Variants in PATJ observed in about 807,000 individuals in gnomAD.
The protein encoded by PATJ is PATJ crumbs cell polarity complex component.
PATJ carries 190 observed loss-of-function variants against 224.9 expected under a neutral mutation model. The observed-to-expected ratio is 0.84, with a 90% CI of 0.75 to 0.95. The LOEUF is 0.95. Among genes scored for constraint, PATJ ranks in the 40% least tolerant of loss-of-function variants. The pLI is 0.00. For missense variants in PATJ, 2,121 were observed against 2,270.3 expected (o/e 0.93, Z 1.34); for synonymous variants, 769 against 820.3 (o/e 0.94, Z 1.07).
At chr1:62,054,391 G>A in intron 31 of PATJ, 1 of 430,092 alleles carries the variant, frequency 2.3e-6, no homozygotes, top group South Asian at 1.7e-5. Context: ...TTTCAGAGCT[G>A]AGGCTAAGCC....
chr1:61,797,272 C>T lies in PATJ; in HGVS notation c.1261-15C>T. On this transcript the variant is annotated splice_polypyrimidine_tract_variant and intron_variant, in intron 10 of 43. Coordinates refer to ENST00000642238, the MANE Select transcript of PATJ (RefSeq NM_001350145.3). Reference sequence around the variant, plus strand: ...AATTTAAAACCTCTGCTTAATGTTTCTCTTGATGTTTTAGGTCGATGGCGT... The same window carrying T: ...AATTTAAAACCTCTGCTTAATGTTTTTCTTGATGTTTTAGGTCGATGGCGT... The T allele has an allele frequency of 6.2e-7, 1 of 1,604,950 alleles. No individual in the cohort carries two copies. The highest frequency in any genetic ancestry group is 8.5e-7 in the Non-Finnish European group (1 of 1,172,678).
At chr1:62,141,894 C>A (rs190355340) in intron 41 of PATJ, among the ~76,000 whole-genome samples, 8 of 150,666 alleles carry the variant, frequency 5.3e-5, no homozygotes, top group Non-Finnish European at 8.9e-5. Flanking sequence ...TGCTTGACCA[C>A]GGGAGGCAGA....
intron 20 of PATJ, among the ~76,000 whole-genome samples, chr1:61,869,097 A>ATTTTTT (rs113334846): frequency 2.4e-5 from 3 of 125,512 alleles, no homozygotes; most frequent in Non-Finnish European, 3.3e-5. Context: ...TGGAAATAAC[A>ATTTTTT]TTTTTTTTTT....
chr1:61,841,724 A>G (rs944652232), intron 17 of PATJ, among the ~76,000 whole-genome samples: 1 of 151,832 alleles, frequency 6.6e-6, no homozygotes, highest in Non-Finnish European at 1.5e-5. Flanking sequence ...CATATGCCTT[A>G]CTGTTGAACA....
chr1:61,784,627 A>G (rs1433915745), intron 7 of PATJ, among the ~76,000 whole-genome samples: 4 of 152,236 alleles, frequency 2.6e-5, no homozygotes, highest in Non-Finnish European at 5.9e-5. Flanking sequence ...TCTTTGGCCA[A>G]GCCAAGTATG....
chr1:62,129,242 G>C (rs1666035148), intron 41 of PATJ, among the ~76,000 whole-genome samples: 1 of 152,142 alleles, frequency 6.6e-6, no homozygotes, highest in Non-Finnish European at 1.5e-5. Flanking sequence ...GAATTTGTAA[G>C]GAATAAGAAA....
intron 20 of PATJ, among the ~76,000 whole-genome samples, chr1:61,869,145 C>T (rs1294151513): frequency 5.2e-5 from 7 of 134,518 alleles, no homozygotes; most frequent in Non-Finnish European, 9.3e-5. Flanking sequence ...CTCGCTCTGT[C>T]GCCCAGGCTG....
At chr1:62,089,843 A>G (rs1257066556) in intron 33 of PATJ, among the ~76,000 whole-genome samples, 1 of 152,154 alleles carries the variant, frequency 6.6e-6, no homozygotes, top group Non-Finnish European at 1.5e-5. Flanking sequence ...TCACTACAGA[A>G]GAACCTTCGC....
chr1:61,866,593 A>C (rs560340132), intron 20 of PATJ, among the ~76,000 whole-genome samples: 1 of 152,228 alleles, frequency 6.6e-6, no homozygotes, highest in East Asian at 1.9e-4. Flanking sequence ...TCAAAATTTT[A>C]TTCTTATCTC....
intron 34 of PATJ, among the ~76,000 whole-genome samples, chr1:62,112,341 A>G (rs1317671738): frequency 6.6e-6 from 1 of 152,080 alleles, no homozygotes; most frequent in Admixed American, 6.5e-5. Flanking sequence ...CCCCGTCTCT[A>G]CTAAAAATAC....
In PATJ at chr1:62,046,926, C is replaced by T. The variant is rs537022323; in HGVS notation, c.4033-4040C>T. On this transcript the variant is annotated intron_variant, in intron 30 of 43. Transcript: ENST00000642238. ...ACTATTTGGAACCTAGACTGCTTTGCCCATGTTTTCTTAAATTTTACAGGT... is the reference window on the plus strand; with the variant it reads ...ACTATTTGGAACCTAGACTGCTTTGTCCATGTTTTCTTAAATTTTACAGGT... Among the ~76,000 whole-genome samples the T allele has an allele frequency of 2.5e-3, 385 of 152,300 alleles. 3 individuals are homozygous for T. Among genetic ancestry groups the T allele is most frequent in the African/African-American group, 8.9e-3 (371 of 41,570 alleles).
intron 14 of PATJ, among the ~76,000 whole-genome samples, chr1:61,814,154 G>C (rs1384777121): frequency 8.0e-5 from 1 of 12,480 alleles, no homozygotes; most frequent in Non-Finnish European, 1.6e-4. Flanking sequence ...TTTTTTTTTT[G>C]AGATTCAGTG....
intron 13 of PATJ, among the ~76,000 whole-genome samples, chr1:61,806,369 C>A (rs1367447693): frequency 6.6e-6 from 1 of 152,088 alleles, no homozygotes; most frequent in Non-Finnish European, 1.5e-5. Flanking sequence ...CCTGTAATTC[C>A]AGCACTTTGG....
chr1:61,891,611 T>C (rs1369098678), intron 22 of PATJ, among the ~76,000 whole-genome samples: 1 of 152,194 alleles, frequency 6.6e-6, no homozygotes. Flanking sequence ...AAGAGGTACA[T>C]AGAAATACTA....
At chr1:61,977,113 G>A (rs1311102312) in intron 27 of PATJ, among the ~76,000 whole-genome samples, 1 of 151,852 alleles carries the variant, frequency 6.6e-6, no homozygotes, top group Non-Finnish European at 1.5e-5. Context: ...TTAGAGATGG[G>A]GTCTCACTCT....
At chr1:62,085,016 C>A (rs536531352) in intron 33 of PATJ, among the ~76,000 whole-genome samples, 2 of 152,302 alleles carry the variant, frequency 1.3e-5, no homozygotes, top group South Asian at 4.1e-4. Context: ...AATCCCAGCA[C>A]TTTGGGAGGC....
In PATJ at chr1:61,909,373, A is replaced by G. The variant is rs917191140; in HGVS notation, c.3492+891A>G. ...GGCAGGATGTGGATTTTATACTACA[A>G]TGTGCAACAGAAACATCACCCTTAA... On this transcript the variant is annotated intron_variant, in intron 25 of 43. Coordinates refer to ENST00000642238, the MANE Select transcript of PATJ (RefSeq NM_001350145.3). Among the ~76,000 whole-genome samples the G allele has an allele frequency of 1.1e-4, 16 of 152,356 alleles. No homozygotes were observed. The East Asian group carries it at 2.9e-3, about 28-fold the overall frequency.
At chr1:61,777,703 CTT>C (rs66470863) in intron 7 of PATJ, among the ~76,000 whole-genome samples, 43 of 48,744 alleles carry the variant, frequency 8.8e-4, no homozygotes, top group Admixed American at 4.3e-3. Flanking sequence ...TTCTTTCTTT[CTT>C]TTTTTTTTTT....
chr1:62,023,092 C>T (rs1647180010), intron 29 of PATJ, among the ~76,000 whole-genome samples: 1 of 152,076 alleles, frequency 6.6e-6, no homozygotes, highest in African/African-American at 2.4e-5. Flanking sequence ...GAGTTCCAGA[C>T]CAGCCTAACC....
Sources: allele counts gnomAD v4.1 joint callset (sites outside exome capture counted in the v4.1 genomes callset), GRCh38; gene constraint gnomAD v4.1.1; transcripts MANE v1.5; gene names NCBI Gene and HGNC (gene_info 2026-07-23, HGNC 2026-07-21).